RPP21: variants seen among roughly 807,000 people sequenced by gnomAD.
RPP21 encodes the protein ribonuclease P protein subunit p21.
Under a neutral mutation model 19.0 loss-of-function variants are expected in RPP21, and 21 were observed. That is an observed-to-expected ratio of 1.11 (90% CI 0.78 to 1.59). The LOEUF (loss-of-function observed/expected upper bound fraction) is 1.59. Ranked by LOEUF, RPP21 falls within the 40% of genes most tolerant of loss-of-function variation. The pLI, the probability that RPP21 is intolerant of heterozygous loss-of-function variation, is 0.00. For missense variants in RPP21, 215 were observed against 200.2 expected, an observed-to-expected ratio of 1.07 and a Z score of -0.45; for synonymous variants, 93 against 78.7, an observed-to-expected ratio of 1.18 and a Z score of -0.96.
In RPP21 at chr6:30,346,786, G is replaced by T. The variant is rs561858479; in HGVS notation, c.441G>T (p.Gln147His). The T allele has an allele frequency of 1.5e-5, 24 of 1,613,182 alleles. No homozygotes were observed. The East Asian group carries it at 5.1e-4, about 34-fold the overall frequency. The change falls in exon 5 of 5, where the codon CAG (glutamine) becomes CAT (histidine). Residue 147 changes from glutamine to histidine, a missense_variant. Physicochemically the swap from Gln to His is conservative, Grantham distance 24. Transcript: ENST00000442966. The surrounding 1 kb of genome is among the most constrained non-coding windows in gnomAD (Gnocchi z 4.7). ...ISDRLPEEKM[Q>H]TQGSSNQ Reference sequence around the variant, plus strand: ...ACCGCCTTCCTGAGGAGAAAATGCAGACTCAGGGTTCCAGTAACCAGTGAT... The same window carrying T: ...ACCGCCTTCCTGAGGAGAAAATGCATACTCAGGGTTCCAGTAACCAGTGAT...
Position 30,345,528 on chromosome 6 carries a change from T to C in RPP21, c.196T>C (p.Ser66Pro). The C allele has an allele frequency of 6.3e-7, 1 of 1,592,978 alleles. No homozygotes were observed. Among genetic ancestry groups the C allele is most frequent in the Non-Finnish European group, 8.6e-7 (1 of 1,169,138 alleles). The part of the protein sequence containing the change: ...SVKRTLCRGC[S>P]SLLVPGLTCT... The stretch of plus-strand genomic sequence containing the variant: ...GAAGAGGACTCTCTGTCGAGGCTGC[T>C]CTTCCCTCCTCGTCCCGGGCCTCAC... The change falls in exon 3 of 5, where the codon TCT becomes CCT. Residue 66 changes from serine to proline, a missense_variant. Ser to Pro is a moderately conservative substitution (Grantham distance 74). Transcript: ENST00000442966.
chr6:30,346,236 G>A lies in RPP21; in HGVS notation c.242-196G>A. 1 of 960,574 alleles carries A rather than the reference G, an allele frequency of 1.0e-6. No homozygotes were observed. The highest frequency in any genetic ancestry group is 1.5e-6 in the Non-Finnish European group (1 of 672,468). 59.5% of individuals were successfully genotyped at this position (960,574 alleles called of 1,614,324 possible). A position where few individuals can be genotyped will look rare whatever the true frequency, so the allele number is the denominator to read the frequency against. On this transcript the variant is annotated intron_variant, in intron 3 of 4. Coordinates refer to ENST00000442966, the MANE Select transcript of RPP21 (RefSeq NM_024839.4). The surrounding 1 kb of genome is among the most constrained non-coding windows in gnomAD (Gnocchi z 4.7). ...GGCCAGTTCTTGAAGTCTTGTTAGGGAGTTTGAACTTTATCTTAAAGAGTT... is the reference window on the plus strand; with the variant it reads ...GGCCAGTTCTTGAAGTCTTGTTAGGAAGTTTGAACTTTATCTTAAAGAGTT...
At position 30,346,633 on chromosome 6, in the gene RPP21, T is replaced by C; in HGVS notation, c.367+76T>C. ...GAGAACGTAGAGTGAAGAGGACACA[T>C]GGACAGGTTCTGGGTTGGTGTGAGA... On this transcript the variant is annotated intron_variant, in intron 4 of 4. Transcript: ENST00000442966. This position sits in a 1 kb window ranked among gnomAD's most constrained non-coding sequence, Gnocchi z 4.7. The C allele has an allele frequency of 6.2e-7, 1 of 1,613,816 alleles. No individual in the cohort carries two copies. The highest frequency in any genetic ancestry group is 8.5e-7 in the Non-Finnish European group (1 of 1,179,762).
Position 30,346,589 on chromosome 6 carries a change from C to T in RPP21, c.367+32C>T. 6.2e-7 allele frequency: 1 copy of T among 1,613,928 alleles called. No homozygotes were observed. Among genetic ancestry groups the T allele is most frequent in the African/African-American group, 1.3e-5 (1 of 74,968 alleles). On this transcript the variant is annotated intron_variant, in intron 4 of 4. Coordinates refer to ENST00000442966, the MANE Select transcript of RPP21 (RefSeq NM_024839.4). This position sits in a 1 kb window ranked among gnomAD's most constrained non-coding sequence, Gnocchi z 4.7. ...GGTGAGGGAGAAAATGGAGGACACCCCAGAGGATAGGGACAATGGAGAACG... is the reference window on the plus strand; with the variant it reads ...GGTGAGGGAGAAAATGGAGGACACCTCAGAGGATAGGGACAATGGAGAACG...
In RPP21 at chr6:30,346,497, A is replaced by G; in HGVS notation, c.307A>G (p.Asn103Asp). 1 of 1,614,082 alleles carries G rather than the reference A, an allele frequency of 6.2e-7. No homozygotes were observed. The highest frequency in any genetic ancestry group is 8.5e-7 in the Non-Finnish European group (1 of 1,180,020). ...LTCQRSQRFL[N>D]DPGHLLWGDR... ...ATGCCAGCGCAGCCAACGCTTCCTCAATGATCCCGGGCATTTACTCTGGGG... is the reference window on the plus strand; with the variant it reads ...ATGCCAGCGCAGCCAACGCTTCCTCGATGATCCCGGGCATTTACTCTGGGG... The change falls in exon 4 of 5, where the codon AAT (asparagine) becomes GAT (aspartate). Residue 103 changes from asparagine to aspartate, a missense_variant. Transcript: ENST00000442966. This position sits in a 1 kb window ranked among gnomAD's most constrained non-coding sequence, Gnocchi z 4.7.
intron 2 of RPP21, 29 bp from the exon 3 acceptor site, chr6:30,345,462 G>A (rs1323497003): frequency 5.0e-6 from 8 of 1,610,740 alleles, no homozygotes; most frequent in Non-Finnish European, 6.8e-6. Context: ...GAGCGCGGGC[G>A]CCAGACCACT....
At position 30,345,392 on chromosome 6, in the gene RPP21, T is replaced by A; in HGVS notation, c.152T>A (p.Leu51Ter). The A allele has an allele frequency of 6.2e-7, 1 of 1,612,324 alleles. No homozygotes were observed. Among genetic ancestry groups the A allele is most frequent in the East Asian group, 2.2e-5 (1 of 44,826 alleles). ...TERTIAKRLV[L>*]RRDPSVKRTL... ...AGGACCATTGCGAAGCGGCTCGTCTTGCGGCGGTGAGACAGCCACGGGGCG... is the reference window on the plus strand; with the variant it reads ...AGGACCATTGCGAAGCGGCTCGTCTAGCGGCGGTGAGACAGCCACGGGGCG... The change falls in exon 2 of 5, where the codon TTG becomes TAG. Residue 51 changes from leucine (L) to a stop codon, truncating the protein, a stop_gained. Transcript: ENST00000442966. LOFTEE classifies it high-confidence loss of function.
At chr6:30,345,770 G>A (rs563069632) in intron 3 of RPP21, 197 bp downstream of exon 3, 9 of 624,308 alleles carry the variant, frequency 1.4e-5, no homozygotes, top group Non-Finnish European at 2.0e-5. Flanking sequence ...GTTTGGGCTC[G>A]GCTGTTTTTT....
chr6:30,346,489 G>A lies in RPP21; in HGVS notation c.299G>A (p.Arg100His). The A allele has an allele frequency of 1.2e-6, 2 of 1,614,084 alleles. No individual in the cohort carries two copies. Among genetic ancestry groups the A allele is most frequent in the African/African-American group, 1.3e-5 (1 of 75,004 alleles). ...TGCCTAACATGCCAGCGCAGCCAAC[G>A]CTTCCTCAATGATCCCGGGCATTTA... is the stretch of plus-strand genomic sequence containing the variant. ...QTCLTCQRSQ[R>H]FLNDPGHLLW... The change falls in exon 4 of 5, where the codon CGC becomes CAC. Residue 100 changes from arginine to histidine, a missense_variant. Transcript: ENST00000442966. The surrounding 1 kb of genome is among the most constrained non-coding windows in gnomAD (Gnocchi z 4.7).
Position 30,345,547 on chromosome 6 carries a change from G to T in RPP21, c.215G>T (p.Gly72Val), listed in dbSNP as rs1187078964. 2.0e-6 allele frequency: 3 copies of T among 1,527,012 alleles called. No individual in the cohort carries two copies. The highest frequency in any genetic ancestry group is 2.7e-6 in the Non-Finnish European group (3 of 1,129,736). 94.6% of individuals were successfully genotyped at this position (1,527,012 alleles called of 1,614,324 possible). ...CRGCSSLLVP[G>V]LTCTQRQRRC... The stretch of plus-strand genomic sequence containing the variant: ...GGCTGCTCTTCCCTCCTCGTCCCGG[G>T]CCTCACCTGCACCCAGCGCCAGAGA... The change falls in exon 3 of 5, where the codon GGC (glycine) becomes GTC (valine). Residue 72 changes from glycine to valine, a missense_variant. Transcript: ENST00000442966.
At position 30,345,194 on chromosome 6, in the gene RPP21, G is replaced by A. The variant is rs1409352058; in HGVS notation, c.23G>A (p.Arg8His). Residue 8 changes from arginine to histidine, a missense_variant, in exon 1 of 5, where the codon CGC becomes CAC. Arg to His is a conservative substitution (Grantham distance 29). Transcript: ENST00000442966. MAGPVKD[R>H]EAFQRLNFLY... ...GTGATGGCGGGGCCGGTGAAGGACC[G>A]CGAGGCCTTCCAGAGGCTCAACTTC... 6.3e-7 allele frequency: 1 copy of A among 1,575,282 alleles called. No homozygotes were observed. Among genetic ancestry groups the A allele is most frequent in the Middle Eastern group, 1.7e-4 (1 of 6,014 alleles).
In RPP21 at chr6:30,346,380, A is replaced by G; in HGVS notation, c.242-52A>G. ...AAACACTGGAGGCAAAACTGGCAGC[A>G]AGAGACCGTTACTTCTAAACGTGGA... On this transcript the variant is annotated intron_variant, in intron 3 of 4. Transcript: ENST00000442966. This position sits in a 1 kb window ranked among gnomAD's most constrained non-coding sequence, Gnocchi z 4.7. The G allele has an allele frequency of 1.3e-6, 2 of 1,586,950 alleles. No individual in the cohort carries two copies. Among genetic ancestry groups the G allele is most frequent in the Non-Finnish European group, 1.7e-6 (2 of 1,160,488 alleles).
Position 30,345,533 on chromosome 6 carries a change from C to T in RPP21, c.201C>T (p.Ser67=), listed in dbSNP as rs761042405. 5.0e-6 allele frequency: 8 copies of T among 1,589,888 alleles called. No homozygotes were observed. The South Asian group carries it at 7.9e-5, about 16-fold the overall frequency. ...VKRTLCRGCS[S]LLVPGLTCTQ... ...GGACTCTCTGTCGAGGCTGCTCTTCCCTCCTCGTCCCGGGCCTCACCTGCA... is the reference window on the plus strand; with the variant it reads ...GGACTCTCTGTCGAGGCTGCTCTTCTCTCCTCGTCCCGGGCCTCACCTGCA... The change falls in exon 3 of 5, where the codon TCC becomes TCT. Residue 67 remains serine, a synonymous_variant. Coordinates refer to ENST00000442966, the MANE Select transcript of RPP21 (RefSeq NM_024839.4).
Position 30,345,391 on chromosome 6 carries a change from T to C in RPP21, c.151T>C (p.Leu51=), listed in dbSNP as rs1180630533. 4 of 1,612,616 alleles carry C rather than the reference T, an allele frequency of 2.5e-6. No individual in the cohort carries two copies. In the East Asian group the frequency reaches 6.7e-5, roughly 27 times the overall value. Residue 51 remains leucine (L), a synonymous_variant, in exon 2 of 5, where the codon TTG becomes CTG. Transcript: ENST00000442966. ...GAGGACCATTGCGAAGCGGCTCGTC[T>C]TGCGGCGGTGAGACAGCCACGGGGC... ...TERTIAKRLV[L]RRDPSVKRTL... is the part of the protein sequence containing the mutation.
rs780441223 is a variant in RPP21, at chr6:30,346,282, A to G, written c.242-150A>G. ...GAGTTCCAGGAAATCGATGGAGCTT[A>G]TGCCGAGGCCTGACACCATCAAATG... On this transcript the variant is annotated intron_variant, in intron 3 of 4. Transcript: ENST00000442966. This position sits in a 1 kb window ranked among gnomAD's most constrained non-coding sequence, Gnocchi z 4.7. 78 of 1,334,316 alleles carry G rather than the reference A, an allele frequency of 5.8e-5. No individual in the cohort carries two copies. The highest frequency in any genetic ancestry group is 7.4e-5 in the Non-Finnish European group (73 of 982,584). The allele number at this position is 1,334,316 out of a possible 1,614,324, so 82.7% of individuals were successfully genotyped here. A position where few individuals can be genotyped will look rare whatever the true frequency, so the allele number is the denominator to read the frequency against.
In RPP21 at chr6:30,346,419, A is replaced by G. The variant is rs2127424626; in HGVS notation, c.242-13A>G. 6.2e-7 allele frequency: 1 copy of G among 1,609,036 alleles called. No individual in the cohort carries two copies. The highest frequency in any genetic ancestry group is 1.1e-5 in the South Asian group (1 of 90,822). On this transcript the variant is annotated splice_polypyrimidine_tract_variant and intron_variant, in intron 3 of 4. Coordinates refer to ENST00000442966, the MANE Select transcript of RPP21 (RefSeq NM_024839.4). The surrounding 1 kb of genome is among the most constrained non-coding windows in gnomAD (Gnocchi z 4.7). ...TCTAAACGTGGACAGTCTTTTTCCC[A>G]TGTTCACCCTAGGCTGCAGGGGACA...
In RPP21 at chr6:30,346,519, GGGGAGACA is replaced by G. The variant is rs755231510; in HGVS notation, c.332_339del (p.Gly111AlafsTer2). On this transcript the variant is annotated frameshift_variant, in exon 4 of 5. Transcript: ENST00000442966. LOFTEE classifies it low-confidence loss of function (END_TRUNC). This position sits in a 1 kb window ranked among gnomAD's most constrained non-coding sequence, Gnocchi z 4.7. ...CTCAATGATCCCGGGCATTTACTCT[GGGGAGACA>G]GGCCTGAGGCCCAGCTCGGGAGCCA... The G allele has an allele frequency of 1.2e-6, 2 of 1,614,070 alleles. No homozygotes were observed. Among genetic ancestry groups the G allele is most frequent in the East Asian group, 4.5e-5 (2 of 44,864 alleles).
chr6:30,346,505 C>T lies in RPP21; in HGVS notation c.315C>T (p.Pro105=), dbSNP rs770466293. 1.1e-5 allele frequency: 18 copies of T among 1,613,954 alleles called. No homozygotes were observed. The highest frequency in any genetic ancestry group is 4.5e-5 in the East Asian group (2 of 44,890). The part of the protein sequence containing the change: ...CQRSQRFLND[P]GHLLWGDRPE... ...GCAGCCAACGCTTCCTCAATGATCC[C>T]GGGCATTTACTCTGGGGAGACAGGC... Residue 105 remains proline, a synonymous_variant, in exon 4 of 5, where the codon CCC becomes CCT. Transcript: ENST00000442966. This position sits in a 1 kb window ranked among gnomAD's most constrained non-coding sequence, Gnocchi z 4.7.
rs1426424006 is a variant in RPP21 at position 30,346,018 on chromosome 6, G to A, written c.242-414G>A. The A allele has an allele frequency of 4.3e-6, 1 of 233,098 alleles. No homozygotes were observed. The highest frequency in any genetic ancestry group is 8.4e-6 in the Non-Finnish European group (1 of 119,514). The allele number at this position is 233,098 out of a possible 1,614,324, so 14.4% of individuals were successfully genotyped here. A position where few individuals can be genotyped will look rare whatever the true frequency, so the allele number is the denominator to read the frequency against. On this transcript the variant is annotated intron_variant, in intron 3 of 4. Coordinates refer to ENST00000442966, the MANE Select transcript of RPP21 (RefSeq NM_024839.4). This position sits in a 1 kb window ranked among gnomAD's most constrained non-coding sequence, Gnocchi z 4.7. ...AATGGTGTAGAAAAAGATTAACTGG[G>A]GGAGTAGAATGCTCACTTACTCATG...
Sources: allele counts gnomAD v4.1 joint callset, GRCh38; gene constraint gnomAD v4.1.1; non-coding constraint Gnocchi (gnomAD v3.1); transcripts MANE v1.5; gene names NCBI Gene and HGNC (gene_info 2026-07-23, HGNC 2026-07-21).